Variants in VPS13B observed in about 807,000 individuals in gnomAD.
VPS13B encodes vacuolar protein sorting 13 homolog B.
A neutral mutation model predicts 426.4 loss-of-function variants in VPS13B; 285 were observed. That is an observed-to-expected ratio of 0.67 (90% CI 0.61 to 0.74). The LOEUF (loss-of-function observed/expected upper bound fraction) is 0.74, where lower values mean the gene tolerates loss of function less well. VPS13B is among the 30% of genes least tolerant of loss of function. The pLI is 0.00. For missense variants in VPS13B, 4,537 were observed against 4,782.6 expected (o/e 0.95, Z 1.51); for synonymous variants, 1,676 against 1,676.4 (o/e 1.00, Z 0.01).
At chr8:99,397,873 C>T (rs1814822771) in intron 21 of VPS13B, among the ~76,000 whole-genome samples, 1 of 152,130 alleles carries the variant, frequency 6.6e-6, no homozygotes, top group African/African-American at 2.4e-5. Context: ...TTACATGGTC[C>T]TGTCTAACTG....
intron 39 of VPS13B, among the ~76,000 whole-genome samples, chr8:99,746,911 A>G (rs1810117936): frequency 6.6e-6 from 1 of 152,132 alleles, no homozygotes; most frequent in African/African-American, 2.4e-5. Flanking sequence ...AGTGATAAAT[A>G]TCCCTTTAAT....
chr8:99,597,750 G>A (rs1827089829), intron 33 of VPS13B, among the ~76,000 whole-genome samples: 1 of 151,978 alleles, frequency 6.6e-6, no homozygotes, highest in African/African-American at 2.4e-5. Flanking sequence ...TTTAGGTTAT[G>A]TGAGCAAAAT....
chr8:99,062,656 T>C (rs191073491), intron 3 of VPS13B, among the ~76,000 whole-genome samples: 2 of 152,180 alleles, frequency 1.3e-5, no homozygotes, highest in African/African-American at 4.8e-5. Context: ...TTAGTAGAGA[T>C]GGGGTGTCTC....
intron 16 of VPS13B, among the ~76,000 whole-genome samples, chr8:99,177,496 A>G (rs1812700378): frequency 6.6e-6 from 1 of 152,156 alleles, no homozygotes; most frequent in Non-Finnish European, 1.5e-5. Flanking sequence ...TTTATATTAG[A>G]TTTTTTCCCT....
rs138520550 is a variant in VPS13B at position 99,530,390 on chromosome 8, G to A, written c.4745+9380G>A. ...AGCACTTTGGGAGGCCAAGGTGGGCGGATCACCTGAGGTCAGGAGTTTGAG... is the reference window on the plus strand; with the variant it reads ...AGCACTTTGGGAGGCCAAGGTGGGCAGATCACCTGAGGTCAGGAGTTTGAG... On this transcript the variant is annotated intron_variant, in intron 30 of 61. Coordinates refer to ENST00000357162, the MANE Select transcript of VPS13B (RefSeq NM_152564.5). Among the ~76,000 whole-genome samples, 912 of 152,160 alleles carry A rather than the reference G, an allele frequency of 6.0e-3. 12 individuals are homozygous for A. The highest frequency in any genetic ancestry group is 0.02 in the African/African-American group (827 of 41,506).
chr8:99,397,181 T>C (rs2133325868), intron 21 of VPS13B, among the ~76,000 whole-genome samples: 1 of 152,356 alleles, frequency 6.6e-6, no homozygotes, highest in East Asian at 1.9e-4. Context: ...AGTCTCACTC[T>C]GTCGCCCAGG....
chr8:99,067,466 G>A (rs189963162), intron 3 of VPS13B, among the ~76,000 whole-genome samples: 2 of 152,108 alleles, frequency 1.3e-5, no homozygotes, highest in Non-Finnish European at 2.9e-5. Flanking sequence ...ACACAGGGCG[G>A]GGAACATCAC....
chr8:99,096,308 A>G lies in VPS13B; in HGVS notation c.292-4A>G, dbSNP rs1413600665. The G allele has an allele frequency of 1.2e-6, 2 of 1,613,814 alleles. No individual in the cohort carries two copies. The highest frequency in any genetic ancestry group is 2.2e-5 in the East Asian group (1 of 44,864). ...TTCTTTTTCTTTCTTTAAAATAAAA[A>G]TAGGATGACCATGAAAGCTGTGGTT... On this transcript the variant is annotated splice_polypyrimidine_tract_variant and splice_region_variant and intron_variant, in intron 3 of 61. Transcript: ENST00000357162.
At chr8:99,442,337 T>C (rs1467790752) in intron 22 of VPS13B, 64 bp from the exon 23 acceptor site, 5 of 1,370,100 alleles carry the variant, frequency 3.6e-6, no homozygotes, top group Non-Finnish European at 5.2e-6. Context: ...CTGGCGAAGA[T>C]GTTAGGTGTT....
intron 17 of VPS13B, among the ~76,000 whole-genome samples, chr8:99,238,242 G>C (rs1816742041): frequency 8.1e-6 from 1 of 122,808 alleles, no homozygotes; most frequent in South Asian, 2.3e-4. Flanking sequence ...GTTTGTGGGA[G>C]TGTGTGTGTG....
chr8:99,471,305 A>G (rs1819391804), intron 24 of VPS13B, among the ~76,000 whole-genome samples: 1 of 152,100 alleles, frequency 6.6e-6, no homozygotes, highest in Non-Finnish European at 1.5e-5. Flanking sequence ...AAAGCATAAC[A>G]TTGTCTGCTG....
chr8:99,436,146 T>G (rs1817360623), intron 22 of VPS13B, among the ~76,000 whole-genome samples: 1 of 152,198 alleles, frequency 6.6e-6, no homozygotes, highest in Non-Finnish European at 1.5e-5. Context: ...GCTTAGAATT[T>G]TGAGGAGCTA....
chr8:99,812,571 T>C (rs1223663000), intron 44 of VPS13B, among the ~76,000 whole-genome samples: 2 of 152,202 alleles, frequency 1.3e-5, no homozygotes, highest in Admixed American at 1.3e-4. Flanking sequence ...GTGCTCTGCA[T>C]TTCTTATACC....
intron 21 of VPS13B, among the ~76,000 whole-genome samples, chr8:99,415,463 G>A (rs1815946581): frequency 6.6e-6 from 1 of 152,002 alleles, no homozygotes; most frequent in Admixed American, 6.5e-5. Context: ...CTTGCTGCAA[G>A]GAGTTGTGAT....
chr8:99,559,259 T>C (rs1824761637), intron 31 of VPS13B, among the ~76,000 whole-genome samples: 1 of 152,210 alleles, frequency 6.6e-6, no homozygotes, highest in Non-Finnish European at 1.5e-5. Context: ...GGTTATTTGA[T>C]TTTTTGTTGT....
Position 99,257,561 on chromosome 8 carries a change from T to TAC in VPS13B, c.2516-16614_2516-16613dup, listed in dbSNP as rs34558672. Among the ~76,000 whole-genome samples the TAC allele has an allele frequency of 2.8e-3, 419 of 150,930 alleles. 1 individual carries two copies. The highest frequency in any genetic ancestry group is 3.4e-3 in the Middle Eastern group (1 of 292). On this transcript the variant is annotated intron_variant, in intron 17 of 61. Coordinates refer to ENST00000357162, the MANE Select transcript of VPS13B (RefSeq NM_152564.5). ...AGACGTGCATGTGAGTGCATGTGTG[T>TAC]ACACACACACACACACACACACACG...
chr8:99,836,252 A>G (rs12674812), intron 54 of VPS13B, among the ~76,000 whole-genome samples: 23,076 of 152,204 alleles, frequency 0.15, 2,430 homozygotes, highest in East Asian at 0.34. Flanking sequence ...TGAAAATGGC[A>G]TAAGAACTTA....
At chr8:99,533,020 G>A (rs1393638629) in intron 30 of VPS13B, among the ~76,000 whole-genome samples, 1 of 148,040 alleles carries the variant, frequency 6.8e-6, no homozygotes, top group African/African-American at 2.5e-5. Context: ...GCTCACTGCA[G>A]CCTCCACCTC....
chr8:99,478,473 G>GTTT (rs1237481014), intron 24 of VPS13B, among the ~76,000 whole-genome samples: 4 of 55,524 alleles, frequency 7.2e-5, no homozygotes, highest in Admixed American at 4.0e-4. Flanking sequence ...TTTGTTTTTT[G>GTTT]TTTTTTTTTT....
Sources: gnomAD v4.1 joint callset for allele counts (sites outside exome capture counted in the v4.1 genomes callset) on GRCh38, gnomAD v4.1.1 for gene constraint, MANE v1.5 for transcripts, NCBI Gene and HGNC (gene_info 2026-07-23, HGNC 2026-07-21) for gene names.